The following GARRE1 variants were observed in gnomAD, a reference collection of about 807,000 sequenced individuals.
The protein encoded by GARRE1 is granule associated Rac and RHOG effector 1, also known as granule associated Rac and RHOG effector protein 1.
A neutral mutation model predicts 103.2 loss-of-function variants in GARRE1; 49 were observed. The observed-to-expected ratio is 0.47, with a 90% CI of 0.38 to 0.60. The LOEUF is 0.60. Among genes scored for constraint, GARRE1 ranks in the 20% least tolerant of loss-of-function variants. The pLI, the probability that GARRE1 is intolerant of heterozygous loss-of-function variation, is 0.00. For synonymous variants in GARRE1, 505 were observed against 532.8 expected (o/e 0.95, Z 0.72); for missense variants, 1,199 against 1,370.5 (o/e 0.87, Z 1.98).
chr19:34,273,225 A>G (rs1017257215), intron 1 of GARRE1, among the ~76,000 whole-genome samples: 3 of 152,120 alleles, frequency 2.0e-5, no homozygotes, highest in African/African-American at 7.2e-5. Flanking sequence ...AATAAATATG[A>G]TAACATGTGA....
At chr19:34,327,950 C>CGAT (rs773745783) in intron 5 of GARRE1, 40 bp from the exon 6 acceptor site, 1 of 1,613,664 alleles carries the variant, frequency 6.2e-7, no homozygotes, top group Non-Finnish European at 8.5e-7. Flanking sequence ...GACAGATGAG[C>CGAT]GATGGGTCAC....
At chr19:34,319,624 G>T (rs1386652166) in intron 2 of GARRE1, among the ~76,000 whole-genome samples, 1 of 152,102 alleles carries the variant, frequency 6.6e-6, no homozygotes, top group Non-Finnish European at 1.5e-5. Context: ...GATATAGGGG[G>T]TGGAGACAGG....
Position 34,296,482 on chromosome 19 carries a change from C to T in GARRE1, c.-795-3197C>T. The stretch of plus-strand genomic sequence containing the variant: ...AGTCGATCGAGCTTGTGGCTGACAC[C>T]CTTTGGGATCTTGGGCTTAACCTCC... On this transcript the variant is annotated intron_variant, in intron 1 of 13. Coordinates refer to ENST00000299505, the MANE Select transcript of GARRE1 (RefSeq NM_014686.5). 6.3e-6 allele frequency: 10 copies of T among 1,594,618 alleles called. No individual in the cohort carries two copies. In the Admixed American group the frequency reaches 1.7e-4, roughly 27 times the overall value.
intron 2 of GARRE1, among the ~76,000 whole-genome samples, chr19:34,319,355 T>A (rs1404168929): frequency 2.0e-5 from 3 of 152,230 alleles, no homozygotes; most frequent in African/African-American, 4.8e-5. Context: ...CCTGGAAGAC[T>A]GGTCTGTCAG....
At chr19:34,301,395 A>G (rs1327829415) in intron 2 of GARRE1, among the ~76,000 whole-genome samples, 1 of 150,994 alleles carries the variant, frequency 6.6e-6, no homozygotes, top group Non-Finnish European at 1.5e-5. Flanking sequence ...AGCCCTGACT[A>G]CTCCAGAAGC....
intron 1 of GARRE1, among the ~76,000 whole-genome samples, chr19:34,292,957 C>G (rs866625015): frequency 8.5e-5 from 13 of 152,280 alleles, no homozygotes; most frequent in Middle Eastern, 6.8e-3. Flanking sequence ...GATCCTCCCG[C>G]CTCTGCCTCC....
At chr19:34,322,189 GAGAC>G (rs937584649) in intron 3 of GARRE1, among the ~76,000 whole-genome samples, 1 of 152,148 alleles carries the variant, frequency 6.6e-6, no homozygotes, top group African/African-American at 2.4e-5. Flanking sequence ...TTTCTTTTGG[GAGAC>G]AGAGTTTCGC....
chr19:34,311,774 C>G lies in GARRE1; in HGVS notation c.496-8133C>G, dbSNP rs563784906. 2.6e-5 allele frequency among the ~76,000 whole-genome samples: 4 copies of G among 152,148 alleles called. No homozygotes were observed. In the South Asian group the frequency reaches 8.3e-4, roughly 32 times the overall value. On this transcript the variant is annotated intron_variant, in intron 2 of 13. Coordinates refer to ENST00000299505, the MANE Select transcript of GARRE1 (RefSeq NM_014686.5). ...TACAGGCGTGTGCCACCACACCCAG[C>G]TAATTTTTGCATTTTTAGTAGAGAT...
chr19:34,298,679 C>T (rs1370477187), intron 1 of GARRE1, among the ~76,000 whole-genome samples: 1 of 151,884 alleles, frequency 6.6e-6, no homozygotes, highest in Non-Finnish European at 1.5e-5. Context: ...CACTGCACTC[C>T]AGCCTGGGCA....
chr19:34,324,720 C>T (rs150619941), intron 3 of GARRE1, among the ~76,000 whole-genome samples: 1,783 of 151,984 alleles, frequency 0.012, 15 homozygotes, highest in Non-Finnish European at 0.015. Flanking sequence ...GTTCCCAGGC[C>T]GGTCCCAAGC....
chr19:34,318,017 G>A (rs1343746451), intron 2 of GARRE1, among the ~76,000 whole-genome samples: 1 of 152,196 alleles, frequency 6.6e-6, no homozygotes, highest in Non-Finnish European at 1.5e-5. Flanking sequence ...GAGTTTGGGG[G>A]GCTTCAGCCT....
intron 1 of GARRE1, among the ~76,000 whole-genome samples, chr19:34,260,782 G>A (rs1413724927): frequency 6.6e-6 from 1 of 152,174 alleles, no homozygotes; most frequent in African/African-American, 2.4e-5. Context: ...AGAATCTCAG[G>A]GAAAACTTTA....
At chr19:34,314,174 C>T (rs1187791439) in intron 2 of GARRE1, among the ~76,000 whole-genome samples, 1 of 152,080 alleles carries the variant, frequency 6.6e-6, no homozygotes, top group African/African-American at 2.4e-5. Flanking sequence ...AGTGGCCTTT[C>T]ATTTTTTCCC....
chr19:34,337,743 A>T (rs544152657), intron 8 of GARRE1, among the ~76,000 whole-genome samples: 8 of 152,366 alleles, frequency 5.3e-5, no homozygotes, highest in African/African-American at 1.7e-4. Context: ...TGAATAAAAT[A>T]AAAATGCCAG....
intron 2 of GARRE1, among the ~76,000 whole-genome samples, chr19:34,303,658 CAGG>C: frequency 6.6e-6 from 1 of 152,330 alleles, no homozygotes; most frequent in Non-Finnish European, 1.5e-5. Flanking sequence ...TCTTGTAGCC[CAGG>C]CTGGAGTGCA....
At chr19:34,308,451 G>GT (rs1331047393) in intron 2 of GARRE1, among the ~76,000 whole-genome samples, 3 of 152,084 alleles carry the variant, frequency 2.0e-5, no homozygotes, top group African/African-American at 7.2e-5. Flanking sequence ...TCAGGTCAGT[G>GT]TTTTTGGCTT....
Position 34,295,232 on chromosome 19 carries a change from T to TA in GARRE1, c.-795-4446dup, listed in dbSNP as rs2073940973. ...TGCAGCTGGTAGTTTTCAAGGCTATTATGGAGCTGGAGAGCTAGGAATGGG... is the reference window on the plus strand; with the variant it reads ...TGCAGCTGGTAGTTTTCAAGGCTATTAATGGAGCTGGAGAGCTAGGAATGGG... On this transcript the variant is annotated intron_variant, in intron 1 of 13. Transcript: ENST00000299505. Among the ~76,000 whole-genome samples the TA allele has an allele frequency of 4.6e-5, 7 of 152,264 alleles. 1 individual carries two copies. In the South Asian group the frequency reaches 1.5e-3, roughly 32 times the overall value.
chr19:34,259,966 G>T (rs1264421329), intron 1 of GARRE1, among the ~76,000 whole-genome samples: 1 of 152,222 alleles, frequency 6.6e-6, no homozygotes, highest in Non-Finnish European at 1.5e-5. Context: ...GGACGTGTTT[G>T]CTTCCCCTTC....
At chr19:34,350,564 C>G (rs1446929098) in intron 12 of GARRE1, among the ~76,000 whole-genome samples, 1 of 152,144 alleles carries the variant, frequency 6.6e-6, no homozygotes, top group Non-Finnish European at 1.5e-5. Context: ...ATCCTTAGTG[C>G]TTGGAAACAG....
Sources: gnomAD v4.1 joint callset for allele counts (sites outside exome capture counted in the v4.1 genomes callset) on GRCh38, gnomAD v4.1.1 for gene constraint, MANE v1.5 for transcripts, NCBI Gene and HGNC (gene_info 2026-07-23, HGNC 2026-07-21) for gene names.